ASCC1: variants seen among roughly 807,000 people sequenced by gnomAD.
ASCC1 encodes activating signal cointegrator 1 complex subunit 1.
A neutral mutation model predicts 46.6 loss-of-function variants in ASCC1; 35 were observed. The observed-to-expected ratio is 0.75, with a 90% CI of 0.57 to 0.99. The LOEUF (loss-of-function observed/expected upper bound fraction) is 0.99. Ranked by LOEUF, ASCC1 falls within the 50% of genes least tolerant of loss-of-function variation. The pLI is 0.00. For missense variants in ASCC1, 376 were observed against 428.7 expected (o/e 0.88, Z 1.09); for synonymous variants, 143 against 146.6 (o/e 0.98, Z 0.18).
intron 9 of ASCC1, among the ~76,000 whole-genome samples, chr10:72,127,679 T>C (rs1261497766): frequency 1.3e-5 from 2 of 150,188 alleles, no homozygotes; most frequent in Admixed American, 6.6e-5. Flanking sequence ...TTTTTTTTTT[T>C]CCTAAGTGTT....
intron 5 of ASCC1, among the ~76,000 whole-genome samples, chr10:72,193,074 G>T (rs1038842659): frequency 3.9e-5 from 6 of 152,190 alleles, no homozygotes; most frequent in South Asian, 2.1e-4. Context: ...AAACAGTTTG[G>T]CAGTGTTTTA....
chr10:72,216,365 C>T (rs1038080625), upstream of ASCC1: 7 of 172,116 alleles, frequency 4.1e-5, no homozygotes, highest in Admixed American at 1.7e-4. Context: ...GCGTAGTTTC[C>T]TGGGGACCCA....
intron 7 of ASCC1, among the ~76,000 whole-genome samples, chr10:72,146,637 T>C (rs994750512): frequency 3.9e-5 from 6 of 152,176 alleles, no homozygotes; most frequent in East Asian, 3.9e-4. Context: ...AGCTGACTCC[T>C]AGCTAATGTA....
chr10:72,196,621 T>C (rs11597688), intron 5 of ASCC1, among the ~76,000 whole-genome samples, 190 bp downstream of exon 5: 5,129 of 152,190 alleles, frequency 0.034, 131 homozygotes, highest in Admixed American at 0.05. Context: ...TTCTGTAATA[T>C]ATAGAAACTT....
chr10:72,110,330 C>T (rs1043687176), intron 9 of ASCC1, among the ~76,000 whole-genome samples: 2 of 152,194 alleles, frequency 1.3e-5, no homozygotes, highest in Admixed American at 6.5e-5. Context: ...GGGACAGCAA[C>T]AGGGACATTT....
At chr10:72,171,234 C>A (rs1851038499) in intron 5 of ASCC1, among the ~76,000 whole-genome samples, 1 of 152,170 alleles carries the variant, frequency 6.6e-6, no homozygotes, top group Non-Finnish European at 1.5e-5. Context: ...CGAACTTATC[C>A]TACCATCTTC....
At chr10:72,213,385 C>G (rs2133539400) in intron 1 of ASCC1, 54 bp from the exon 2 acceptor site, 1 of 944,176 alleles carries the variant, frequency 1.1e-6, no homozygotes, top group East Asian at 2.5e-5. Flanking sequence ...AAACTCCTAT[C>G]TCTAGTGTCT....
At chr10:72,129,091 T>C (rs570278490) in intron 8 of ASCC1, among the ~76,000 whole-genome samples, 3 of 152,336 alleles carry the variant, frequency 2.0e-5, no homozygotes, top group Non-Finnish European at 4.4e-5. Context: ...AAAAACTCCA[T>C]GAACATAATA....
chr10:72,110,270 G>A (rs979898419), intron 9 of ASCC1, among the ~76,000 whole-genome samples: 2 of 152,226 alleles, frequency 1.3e-5, no homozygotes, highest in Non-Finnish European at 2.9e-5. Flanking sequence ...TTACACAGTA[G>A]AAAGGAAGAG....
At chr10:72,178,762 T>C (rs530711294) in intron 5 of ASCC1, among the ~76,000 whole-genome samples, 1 of 152,120 alleles carries the variant, frequency 6.6e-6, no homozygotes, top group South Asian at 2.1e-4. Context: ...TGGTAATTTT[T>C]TACACAGCAA....
chr10:72,156,489 G>A (rs1179539051), intron 6 of ASCC1, among the ~76,000 whole-genome samples: 1 of 152,206 alleles, frequency 6.6e-6, no homozygotes, highest in Admixed American at 6.5e-5. Context: ...TTGGCCGGGT[G>A]CGGTGGCTCA....
At chr10:72,209,173 A>G (rs1485536119) in intron 3 of ASCC1, among the ~76,000 whole-genome samples, 1 of 151,502 alleles carries the variant, frequency 6.6e-6, no homozygotes, top group East Asian at 1.9e-4. Flanking sequence ...TTTAAAAAAA[A>G]AAAAAAGAGA....
intron 2 of ASCC1, among the ~76,000 whole-genome samples, chr10:72,212,547 T>G (rs188566754): frequency 6.6e-6 from 1 of 152,162 alleles, no homozygotes; most frequent in East Asian, 1.9e-4. Context: ...TTTCAAAAAT[T>G]TATACATAAT....
intron 5 of ASCC1, among the ~76,000 whole-genome samples, chr10:72,175,328 TCTTC>T (rs1305898874): frequency 6.6e-6 from 1 of 152,208 alleles, no homozygotes; most frequent in Non-Finnish European, 1.5e-5. Context: ...AGCTTCCCCC[TCTTC>T]CTTTTTACAT....
intron 4 of ASCC1, among the ~76,000 whole-genome samples, chr10:72,199,748 T>C (rs758665769): frequency 1.6e-4 from 25 of 152,118 alleles, no homozygotes; most frequent in Non-Finnish European, 3.4e-4. Flanking sequence ...TTTTTTTGTT[T>C]GTTTTGAGAC....
At chr10:72,098,047 C>T (rs1169121675) in intron 9 of ASCC1, among the ~76,000 whole-genome samples, 1 of 152,198 alleles carries the variant, frequency 6.6e-6, no homozygotes, top group African/African-American at 2.4e-5. Flanking sequence ...CAAGTGATTA[C>T]TTATCAAATA....
At chr10:72,128,297 A>G (rs1165996240) in intron 8 of ASCC1, 130 bp from the exon 9 acceptor site, 189 of 752,012 alleles carry the variant, frequency 2.5e-4, no homozygotes, top group Non-Finnish European at 3.1e-5. Flanking sequence ...AATGAAGAGG[A>G]AAAATGTCAG....
chr10:72,167,405 A>C (rs1056611811), intron 5 of ASCC1, among the ~76,000 whole-genome samples: 1 of 152,218 alleles, frequency 6.6e-6, no homozygotes, highest in Non-Finnish European at 1.5e-5. Flanking sequence ...AGAAAGGACA[A>C]ATCTAAAGAG....
intron 9 of ASCC1, among the ~76,000 whole-genome samples, chr10:72,126,254 C>T (rs1178468167): frequency 6.6e-6 from 1 of 152,182 alleles, no homozygotes; most frequent in African/African-American, 2.4e-5. Context: ...TAGTAGATTT[C>T]ATGTCAGAGA....
Sources: gnomAD v4.1 joint callset for allele counts (sites outside exome capture counted in the v4.1 genomes callset) on GRCh38, gnomAD v4.1.1 for gene constraint, MANE v1.5 for transcripts, NCBI Gene and HGNC (gene_info 2026-07-23, HGNC 2026-07-21) for gene names.